The following FRMD4A variants were observed in gnomAD, a reference collection of about 807,000 sequenced individuals.
FRMD4A encodes the protein FERM domain-containing protein 4A.
In FRMD4A, 29 loss-of-function variants were observed where a neutral mutation model predicts 129.1. The observed-to-expected ratio is 0.22, with a 90% confidence interval of 0.17 to 0.31. FRMD4A has a LOEUF of 0.31. Ranked by LOEUF, FRMD4A falls within the 10% of genes least tolerant of loss-of-function variation. FRMD4A has a pLI of 1.00. For synonymous variants in FRMD4A, 634 were observed against 571.6 expected, an observed-to-expected ratio of 1.11 and a Z score of -1.56; for missense variants, 1,272 against 1,375.8, an observed-to-expected ratio of 0.92 and a Z score of 1.19.
At position 14,250,802 on chromosome 10, in the gene FRMD4A, T is replaced by G. The variant is rs370746332; in HGVS notation, c.45+79256A>C. On this transcript the variant is annotated intron_variant, in intron 2 of 24. Transcript: ENST00000357447. ...GTGAGCAGAGAGGGAATGGGCAGTC[T>G]CAGGGGGAGGCCCAGGAGTCACAGC... Among the ~76,000 whole-genome samples the G allele has an allele frequency of 2.0e-5, 3 of 152,254 alleles. No homozygotes were observed. In the South Asian group the frequency reaches 6.2e-4, roughly 32 times the overall value.
intron 3 of FRMD4A, among the ~76,000 whole-genome samples, chr10:13,825,619 T>C (rs981124456): frequency 6.6e-6 from 1 of 152,136 alleles, no homozygotes; most frequent in East Asian, 1.9e-4. Context: ...ACTGGTCCCT[T>C]GTGCCAAAAA....
intron 2 of FRMD4A, among the ~76,000 whole-genome samples, chr10:14,308,426 G>A (rs552149960): frequency 2.6e-5 from 4 of 152,160 alleles, no homozygotes; most frequent in Non-Finnish European, 5.9e-5. Context: ...GGGAAGTAGT[G>A]AGAATACGAA....
chr10:14,057,563 A>G (rs113704975), intron 2 of FRMD4A, among the ~76,000 whole-genome samples: 119 of 94,186 alleles, frequency 1.3e-3, no homozygotes, highest in African/African-American at 3.8e-3. Context: ...CTACTGTGTG[A>G]ATTTATAATC....
At chr10:13,661,179 T>C (rs9787433) in intron 19 of FRMD4A, among the ~76,000 whole-genome samples, 124,319 of 152,238 alleles carry the variant, frequency 0.82, 50,890 homozygotes, top group East Asian at 0.87. Context: ...GCCTTAACTT[T>C]TTTAAGGAGA....
intron 15 of FRMD4A, among the ~76,000 whole-genome samples, chr10:13,678,070 A>G (rs1359486875): frequency 6.6e-6 from 1 of 152,192 alleles, no homozygotes; most frequent in Non-Finnish European, 1.5e-5. Context: ...CAGTTTTTGG[A>G]TGATCATGTT....
intron 2 of FRMD4A, among the ~76,000 whole-genome samples, chr10:13,876,075 A>T (rs1156935051): frequency 6.6e-6 from 1 of 152,268 alleles, no homozygotes; most frequent in East Asian, 1.9e-4. Context: ...TTGCCCCGTT[A>T]TCACTGCAAA....
chr10:14,015,779 C>T lies in FRMD4A; in HGVS notation c.46-156867G>A, dbSNP rs142580201. ...AATAAAATAAGGCAATTCTCTTATACGGCATATTCTATTACAGGCACTATT... is the reference window on the plus strand; with the variant it reads ...AATAAAATAAGGCAATTCTCTTATATGGCATATTCTATTACAGGCACTATT... On this transcript the variant is annotated intron_variant, in intron 2 of 24. Coordinates refer to ENST00000357447, the MANE Select transcript of FRMD4A (RefSeq NM_018027.5). 3.4e-3 allele frequency among the ~76,000 whole-genome samples: 511 copies of T among 152,268 alleles called. 4 individuals carry two copies. The highest frequency in any genetic ancestry group is 6.8e-3 in the Middle Eastern group (2 of 294).
At chr10:14,320,459 C>T (rs561105229) in intron 2 of FRMD4A, among the ~76,000 whole-genome samples, 1 of 152,326 alleles carries the variant, frequency 6.6e-6, no homozygotes, top group African/African-American at 2.4e-5. Context: ...TGGGAAGCTA[C>T]TCCTTCCCTC....
chr10:14,280,266 C>A (rs1471219613), intron 2 of FRMD4A, among the ~76,000 whole-genome samples: 1 of 152,060 alleles, frequency 6.6e-6, no homozygotes. Context: ...CCCCTTCCTG[C>A]ATGTTGGTCT....
At chr10:14,010,304 A>G (rs1006463451) in intron 2 of FRMD4A, among the ~76,000 whole-genome samples, 14 of 152,210 alleles carry the variant, frequency 9.2e-5, no homozygotes, top group African/African-American at 3.4e-4. Context: ...ATCATAAGGG[A>G]CATTTTGATG....
At chr10:13,658,263 A>G (rs183255562) in intron 21 of FRMD4A, among the ~76,000 whole-genome samples, 171 of 152,330 alleles carry the variant, frequency 1.1e-3, no homozygotes, top group Admixed American at 1.8e-3. Flanking sequence ...GATCCATATA[A>G]ATAGACTCCC....
intron 2 of FRMD4A, among the ~76,000 whole-genome samples, chr10:14,309,493 C>T (rs959076150): frequency 2.0e-5 from 3 of 151,986 alleles, no homozygotes; most frequent in African/African-American, 4.8e-5. Flanking sequence ...ACAACAAAAC[C>T]GTATAGAGTC....
chr10:13,842,398 C>G (rs1166718470), intron 3 of FRMD4A, among the ~76,000 whole-genome samples: 1 of 152,204 alleles, frequency 6.6e-6, no homozygotes, highest in African/African-American at 2.4e-5. Flanking sequence ...ACTGAGCCAG[C>G]CTTCTGATGG....
intron 2 of FRMD4A, among the ~76,000 whole-genome samples, chr10:14,185,560 T>C (rs188942678): frequency 6.6e-5 from 10 of 152,278 alleles, no homozygotes; most frequent in Admixed American, 4.6e-4. Context: ...AGCAAGACTA[T>C]TTAAAGGTTC....
intron 2 of FRMD4A, among the ~76,000 whole-genome samples, chr10:13,961,514 G>T (rs138738789): frequency 6.6e-6 from 1 of 152,310 alleles, no homozygotes; most frequent in African/African-American, 2.4e-5. Flanking sequence ...AAGGCCACCT[G>T]ATGGTTCAGA....
chr10:14,018,293 A>C (rs1174561354), intron 2 of FRMD4A, among the ~76,000 whole-genome samples: 2 of 138,792 alleles, frequency 1.4e-5, no homozygotes, highest in African/African-American at 3.0e-5. Context: ...TAAAAATACA[A>C]AAAAAAAAAA....
At chr10:14,163,380 A>G (rs1841006079) in intron 2 of FRMD4A, among the ~76,000 whole-genome samples, 1 of 152,230 alleles carries the variant, frequency 6.6e-6, no homozygotes, top group Non-Finnish European at 1.5e-5. Flanking sequence ...ATGTAGAGTT[A>G]ATTTACCCAA....
intron 2 of FRMD4A, among the ~76,000 whole-genome samples, chr10:13,959,145 C>T (rs1348872041): frequency 6.6e-6 from 1 of 152,154 alleles, no homozygotes; most frequent in East Asian, 1.9e-4. Flanking sequence ...CTCCCTGCAA[C>T]AATGATCATC....
intron 4 of FRMD4A, among the ~76,000 whole-genome samples, chr10:13,807,327 G>A (rs1654133290): frequency 3.3e-5 from 5 of 152,206 alleles, no homozygotes; most frequent in Admixed American, 1.3e-4. Flanking sequence ...AAAAATTGGG[G>A]AAATCTGAAT....
Sources: gnomAD v4.1 joint callset for allele counts (sites outside exome capture counted in the v4.1 genomes callset) on GRCh38, gnomAD v4.1.1 for gene constraint, MANE v1.5 for transcripts, NCBI Gene and HGNC (gene_info 2026-07-23, HGNC 2026-07-21) for gene names.